NXPE4: variants seen among roughly 807,000 people sequenced by gnomAD.
NXPE4 encodes the protein NXPE family member 4.
Under a neutral mutation model 33.3 loss-of-function variants are expected in NXPE4, and 42 were observed. The observed-to-expected ratio is 1.26, with a 90% CI of 0.98 to 1.63. NXPE4 has a LOEUF of 1.63. Ranked by LOEUF, NXPE4 falls within the 40% of genes most tolerant of loss-of-function variation. NXPE4 has a pLI of 0.00. For synonymous variants in NXPE4, 253 were observed against 234.9 expected (o/e 1.08, Z -0.71); for missense variants, 709 against 647.6 (o/e 1.09, Z -1.03).
chr11:114,593,524 A>C (rs974793072), intron 2 of NXPE4, among the ~76,000 whole-genome samples: 2 of 152,186 alleles, frequency 1.3e-5, no homozygotes, highest in Non-Finnish European at 2.9e-5. Flanking sequence ...ACAGATAGTA[A>C]CATATGCTAG....
chr11:114,586,865 T>C (rs1275326120), intron 2 of NXPE4, among the ~76,000 whole-genome samples: 1 of 152,210 alleles, frequency 6.6e-6, no homozygotes, highest in Admixed American at 6.5e-5. Flanking sequence ...AGTAATCCTC[T>C]TAGGCAAGAT....
the NXPE4 span, among the ~76,000 whole-genome samples, chr11:114,621,516 C>A: frequency 1.3e-5 from 2 of 152,034 alleles, no homozygotes; most frequent in Admixed American, 1.3e-4. Context: ...AGTATTGCCT[C>A]GTGTGTAACC....
intron 4 of NXPE4, 48 bp from the exon 5 acceptor site, chr11:114,580,386 C>T (rs774657680): frequency 3.3e-5 from 50 of 1,532,678 alleles, no homozygotes; most frequent in Admixed American, 5.0e-5. Flanking sequence ...TCAAATTACC[C>T]GTCAGTATGT....
chr11:114,638,338 T>G, the NXPE4 span, among the ~76,000 whole-genome samples: 14,002 of 152,056 alleles, frequency 0.092, 830 homozygotes, highest in Middle Eastern at 0.2. Flanking sequence ...CACTTCTCTG[T>G]ATTGGTTATT....
chr11:114,640,133 TTATA>T, the NXPE4 span, among the ~76,000 whole-genome samples: 1 of 118,466 alleles, frequency 8.4e-6, no homozygotes, highest in Non-Finnish European at 1.6e-5. Context: ...ATGTAATATA[TTATA>T]TATAATATAT....
chr11:114,615,315 G>C, the NXPE4 span, among the ~76,000 whole-genome samples: 1 of 151,824 alleles, frequency 6.6e-6, no homozygotes, highest in Non-Finnish European at 1.5e-5. Flanking sequence ...TTGCCTTGTG[G>C]GTAACCACCA....
the NXPE4 span, among the ~76,000 whole-genome samples, chr11:114,610,594 C>T: frequency 1.3e-5 from 2 of 151,586 alleles, no homozygotes; most frequent in Non-Finnish European, 3.0e-5. Context: ...GGTATTGCCT[C>T]GTGGTTAACC....
chr11:114,630,339 A>T, the NXPE4 span, among the ~76,000 whole-genome samples: 2 of 151,836 alleles, frequency 1.3e-5, no homozygotes, highest in Non-Finnish European at 2.9e-5. Context: ...AGATCAATGG[A>T]ACAGAACATA....
chr11:114,588,272 T>C (rs1239950806), intron 2 of NXPE4, among the ~76,000 whole-genome samples: 1 of 152,166 alleles, frequency 6.6e-6, no homozygotes, highest in Non-Finnish European at 1.5e-5. Flanking sequence ...CTCTTATCCT[T>C]ACAGGAAATG....
the NXPE4 span, among the ~76,000 whole-genome samples, chr11:114,624,179 A>G: frequency 2.0e-5 from 3 of 152,090 alleles, no homozygotes; most frequent in Non-Finnish European, 4.4e-5. Context: ...ATGGTAGATA[A>G]TAACTATTGC....
the NXPE4 span, among the ~76,000 whole-genome samples, chr11:114,631,989 T>G: frequency 6.7e-6 from 1 of 149,082 alleles, no homozygotes; most frequent in Non-Finnish European, 1.5e-5. Flanking sequence ...TATTGCCTCA[T>G]AGGTAACAGC....
chr11:114,633,447 A>G, the NXPE4 span, among the ~76,000 whole-genome samples: 1 of 146,404 alleles, frequency 6.8e-6, no homozygotes, highest in East Asian at 2.0e-4. Context: ...TATACAATGT[A>G]TATTTTTTCT....
rs78834340 is a variant in NXPE4 at position 114,584,875 on chromosome 11, T to A, written c.97-1854A>T. On this transcript the variant is annotated intron_variant, in intron 2 of 5. Transcript: ENST00000375478. ...CAGGGCAGCTGTGCTGGGTGATCTC[T>A]TCTAGGAAATGCCTTGCCACCTATC... Among the ~76,000 whole-genome samples, 150 of 152,178 alleles carry A rather than the reference T, an allele frequency of 9.9e-4. No individual in the cohort carries two copies. The Middle Eastern group carries it at 0.01, about 10-fold the overall frequency.
At chr11:114,651,006 A>G in the NXPE4 span, among the ~76,000 whole-genome samples, 1 of 152,160 alleles carries the variant, frequency 6.6e-6, no homozygotes, top group Non-Finnish European at 1.5e-5. Flanking sequence ...CACCCTAAGC[A>G]CAAGGCAACA....
intron 2 of NXPE4, chr11:114,583,417 C>T (rs1949203674): frequency 3.1e-6 from 2 of 651,476 alleles, no homozygotes; most frequent in South Asian, 2.9e-5. Context: ...AAACCCATCA[C>T]CCTCACAAAG....
the NXPE4 span, among the ~76,000 whole-genome samples, chr11:114,639,159 G>T: frequency 6.6e-6 from 1 of 152,032 alleles, no homozygotes; most frequent in Non-Finnish European, 1.5e-5. Flanking sequence ...ACCTAAGCAA[G>T]CCTGGGCAAT....
chr11:114,659,341 T>A, the NXPE4 span, among the ~76,000 whole-genome samples: 2,169 of 152,048 alleles, frequency 0.014, 43 homozygotes, highest in African/African-American at 0.05. Context: ...CAAGATGAAG[T>A]ATCGTTTTGA....
At chr11:114,673,469 A>G in the NXPE4 span, among the ~76,000 whole-genome samples, 6 of 151,856 alleles carry the variant, frequency 4.0e-5, no homozygotes, top group East Asian at 1.2e-3. Flanking sequence ...TAAATAAAAT[A>G]TAAAAATCAG....
the NXPE4 span, among the ~76,000 whole-genome samples, chr11:114,633,299 G>A: frequency 7.3e-6 from 1 of 136,532 alleles, no homozygotes; most frequent in African/African-American, 2.7e-5. Flanking sequence ...AAATTCTAAT[G>A]TAATAAAATA....
Sources: allele counts gnomAD v4.1 joint callset (sites outside exome capture counted in the v4.1 genomes callset), GRCh38; gene constraint gnomAD v4.1.1; transcripts MANE v1.5; gene names NCBI Gene and HGNC (gene_info 2026-07-23, HGNC 2026-07-21).